The following DCLK1 variants were observed in gnomAD, a reference collection of about 807,000 sequenced individuals.
The protein encoded by DCLK1 is serine/threonine-protein kinase DCLK1.
A neutral mutation model predicts 86.2 loss-of-function variants in DCLK1; 16 were observed. That is an observed-to-expected ratio of 0.19 (90% CI 0.13 to 0.28). The LOEUF (loss-of-function observed/expected upper bound fraction) is 0.28, where lower values mean the gene tolerates loss of function less well. DCLK1 is among the 10% of genes least tolerant of loss of function. DCLK1 has a pLI of 1.00. For synonymous variants in DCLK1, 369 were observed against 370.5 expected (o/e 1.00, Z 0.05); for missense variants, 590 against 940.2 (o/e 0.63, Z 4.87).
chr13:35,832,103 G>A (rs1449578451), intron 8 of DCLK1, among the ~76,000 whole-genome samples: 1 of 152,056 alleles, frequency 6.6e-6, no homozygotes, highest in South Asian at 2.1e-4. Context: ...GACCAGCCTG[G>A]GCCACATAGT....
intron 4 of DCLK1, among the ~76,000 whole-genome samples, chr13:35,931,226 G>T (rs1487010391): frequency 1.3e-5 from 2 of 152,126 alleles, no homozygotes; most frequent in Middle Eastern, 3.2e-3. Context: ...ACAAGGGCCT[G>T]GAAATCAGAC....
intron 2 of DCLK1, among the ~76,000 whole-genome samples, chr13:36,122,178 A>T (rs1221338207): frequency 6.6e-6 from 1 of 152,170 alleles, no homozygotes; most frequent in Non-Finnish European, 1.5e-5. Flanking sequence ...GGTAGGAAAG[A>T]GATTCCCTAA....
intron 5 of DCLK1, among the ~76,000 whole-genome samples, chr13:35,868,604 TATTC>T (rs1257390454): frequency 6.6e-6 from 1 of 152,198 alleles, no homozygotes; most frequent in Non-Finnish European, 1.5e-5. Context: ...GTATTGATAC[TATTC>T]ATTAATTCAT....
intron 3 of DCLK1, among the ~76,000 whole-genome samples, chr13:36,023,133 T>TA (rs1214499814): frequency 6.6e-6 from 1 of 152,152 alleles, no homozygotes; most frequent in African/African-American, 2.4e-5. Flanking sequence ...ACAGAATCAA[T>TA]AGGATAGATA....
chr13:35,867,917 G>GAAAGAAAGAAAGAAAGAAAT (rs1871942947), intron 5 of DCLK1, among the ~76,000 whole-genome samples: 1 of 117,612 alleles, frequency 8.5e-6, no homozygotes, highest in African/African-American at 3.5e-5. Flanking sequence ...GAAAAAGAAA[G>GAAAGAAAGAAAGAAAGAAAT]AAAGAAAGAA....
At chr13:35,796,490 C>G (rs543909357) in intron 15 of DCLK1, among the ~76,000 whole-genome samples, 3 of 152,176 alleles carry the variant, frequency 2.0e-5, no homozygotes, top group African/African-American at 7.2e-5. Context: ...AAAGAGGGAA[C>G]GAGCAGAGGT....
intron 6 of DCLK1, chr13:35,847,762 T>A: frequency 1.0e-6 from 1 of 985,108 alleles, no homozygotes; most frequent in South Asian, 4.7e-5. Context: ...GTTCAAATGG[T>A]TTTAGAAAAT....
At chr13:35,928,283 G>A (rs931977854) in intron 4 of DCLK1, among the ~76,000 whole-genome samples, 3 of 152,082 alleles carry the variant, frequency 2.0e-5, no homozygotes, top group Middle Eastern at 3.2e-3. Flanking sequence ...AGTTGGTGTT[G>A]GAACTGCCCT....
At chr13:35,796,740 T>C (rs930812209) in intron 15 of DCLK1, among the ~76,000 whole-genome samples, 1 of 152,150 alleles carries the variant, frequency 6.6e-6, no homozygotes, top group Non-Finnish European at 1.5e-5. Flanking sequence ...CCACACCAGG[T>C]TGCATCAATT....
chr13:35,994,035 C>A (rs952343241), intron 3 of DCLK1, among the ~76,000 whole-genome samples: 3 of 151,724 alleles, frequency 2.0e-5, no homozygotes, highest in African/African-American at 4.8e-5. Flanking sequence ...TGCAAAACAT[C>A]CTTTTGAGAT....
chr13:35,855,841 T>C (rs1871022024), intron 5 of DCLK1: 11 of 1,188,978 alleles, frequency 9.3e-6, no homozygotes, highest in Non-Finnish European at 1.0e-5. Context: ...GTCAGTACTT[T>C]GCACTGAATC....
intron 8 of DCLK1, among the ~76,000 whole-genome samples, chr13:35,835,710 ATG>A (rs1353473087): frequency 6.6e-6 from 1 of 152,224 alleles, no homozygotes; most frequent in Non-Finnish European, 1.5e-5. Flanking sequence ...CCTCTACAAA[ATG>A]TCATAAAAAG....
At chr13:35,982,437 AGG>A (rs1566631752) in intron 3 of DCLK1, among the ~76,000 whole-genome samples, 5,697 of 23,890 alleles carry the variant, frequency 0.24, 1,007 homozygotes, top group East Asian at 0.31. Context: ...AGAGAGGGGG[AGG>A]GAGGGAGGGA....
chr13:36,084,560 G>T (rs1402004667), intron 3 of DCLK1, among the ~76,000 whole-genome samples: 1 of 152,286 alleles, frequency 6.6e-6, no homozygotes, highest in East Asian at 1.9e-4. Flanking sequence ...CAAAAGCCCA[G>T]ATCTGGAAAT....
At chr13:35,977,283 G>A (rs1054349780) in intron 3 of DCLK1, among the ~76,000 whole-genome samples, 2 of 152,116 alleles carry the variant, frequency 1.3e-5, no homozygotes, top group Non-Finnish European at 2.9e-5. Context: ...GGGCAGATTG[G>A]GCAAGTTTTC....
intron 4 of DCLK1, among the ~76,000 whole-genome samples, chr13:35,875,717 C>T (rs1446540994): frequency 1.3e-5 from 2 of 152,110 alleles, no homozygotes; most frequent in Non-Finnish European, 2.9e-5. Flanking sequence ...AGTCCGTCTC[C>T]CCACTCCCAT....
intron 3 of DCLK1, among the ~76,000 whole-genome samples, chr13:36,002,404 T>C (rs1018143101): frequency 6.6e-6 from 1 of 152,232 alleles, no homozygotes; most frequent in Non-Finnish European, 1.5e-5. Flanking sequence ...TGAAATGTAC[T>C]CTAAAATAAC....
intron 3 of DCLK1, among the ~76,000 whole-genome samples, chr13:36,071,641 T>C (rs1883979630): frequency 6.6e-6 from 1 of 152,186 alleles, no homozygotes; most frequent in South Asian, 2.1e-4. Context: ...CATTTAAGTC[T>C]CATAATAACT....
intron 3 of DCLK1, among the ~76,000 whole-genome samples, chr13:36,109,408 G>GT (rs1320459287): frequency 3.3e-5 from 5 of 152,204 alleles, no homozygotes; most frequent in Non-Finnish European, 7.3e-5. Flanking sequence ...TGGTACAGTG[G>GT]TTACCAGCAC....
Sources: allele counts gnomAD v4.1 joint callset (sites outside exome capture counted in the v4.1 genomes callset), GRCh38; gene constraint gnomAD v4.1.1; transcripts MANE v1.5; gene names NCBI Gene and HGNC (gene_info 2026-07-23, HGNC 2026-07-21).